The following PKD1 variants were observed in gnomAD, a reference collection of about 807,000 sequenced individuals.
The protein encoded by PKD1 is polycystin-1.
Under a neutral mutation model 361.7 loss-of-function variants are expected in PKD1, and 81 were observed. The observed-to-expected ratio is 0.22, with a 90% CI of 0.19 to 0.27. The LOEUF is 0.27. PKD1 is among the 10% of genes least tolerant of loss of function. The pLI, the probability that PKD1 is intolerant of heterozygous loss-of-function variation, is 1.00. For missense variants in PKD1, 6,399 were observed against 6,118.3 expected (o/e 1.05, Z -1.53); for synonymous variants, 3,615 against 2,818.3 (o/e 1.28, Z -8.95).
In PKD1 at chr16:2,102,583, C is replaced by A. The variant is rs746460070; in HGVS notation, c.8999G>T (p.Arg3000Leu). The A allele has an allele frequency of 6.2e-7, 1 of 1,611,088 alleles. No homozygotes were observed. The highest frequency in any genetic ancestry group is 8.5e-7 in the Non-Finnish European group (1 of 1,179,794). Reference protein sequence around the residue: ...SYHLNLSSHFRWSALQVSVGL... With the variant: ...SYHLNLSSHFLWSALQVSVGL... ...CACGGACACCTGCAGCGCCGACCAG[C>A]GGAAGTGGCTGGAGAGGTTCAGATG... The change falls in exon 25 of 46, where the codon CGC becomes CTC. Residue 3000 changes from arginine to leucine, a missense_variant. Transcript: ENST00000262304.
At chr16:2,099,391 G>C (rs545459718) in intron 30 of PKD1, 3 of 547,278 alleles carry the variant, frequency 5.5e-6, no homozygotes, top group Non-Finnish European at 1.0e-5. Flanking sequence ...GTTATCTGGC[G>C]TGCTGCTGTG....
Position 2,117,638 on chromosome 16 carries a change from G to C in PKD1, c.1236C>G (p.Ile412Met). ...GGTAGCAGTGCCCGTTGCCAGGGAA[G>C]ATCTCCGTGTCCGAGGGGCAGAGCG... ...VHPLCPSDTE[I>M]FPGNGHCYRL... The change falls in exon 6 of 46, where the codon ATC (isoleucine) becomes ATG (methionine). Residue 412 changes from isoleucine (I) to methionine (M), a missense_variant. Coordinates refer to ENST00000262304, the MANE Select transcript of PKD1 (RefSeq NM_001009944.3). The C allele has an allele frequency of 5.6e-6, 9 of 1,610,664 alleles. No homozygotes were observed. The highest frequency in any genetic ancestry group is 7.6e-6 in the Non-Finnish European group (9 of 1,179,698).
At chr16:2,123,099 G>A (rs921131959) in intron 1 of PKD1, among the ~76,000 whole-genome samples, 3 of 152,184 alleles carry the variant, frequency 2.0e-5, no homozygotes, top group Admixed American at 6.5e-5. Context: ...CCAGGCCTGG[G>A]GGTGCCATGG....
rs575064371 is a variant in PKD1 at position 2,109,860 on chromosome 16, A to G, written c.5307T>C (p.His1769=). Residue 1769 remains histidine (H), a synonymous_variant, in exon 15 of 46, where the codon CAT becomes CAC. Coordinates refer to ENST00000262304, the MANE Select transcript of PKD1 (RefSeq NM_001009944.3). ...AGTGCAGGCCGGGTGTGGGGAAGCT[A>G]TGGGTGGTAAATGGCTCGGAGGTCT... is the stretch of plus-strand genomic sequence containing the variant. ...SWETSEPFTT[H]SFPTPGLHLV... is the part of the protein sequence containing the mutation. 3.7e-4 allele frequency: 600 copies of G among 1,610,398 alleles called. 5 individuals are homozygous for G. In the African/African-American group the frequency reaches 6.6e-3, roughly 18 times the overall value.
rs2091285868 is a variant in PKD1 at position 2,088,925 on chromosome 16, A to G, written c.*802T>C. The stretch of plus-strand genomic sequence containing the variant: ...GTCACCTTCCTCCACCCTGGGAGCC[A>G]GCCCCCAGGAGGAGTCTTTTCCTCT... On this transcript the variant is annotated 3_prime_UTR_variant, in exon 46 of 46. Coordinates refer to ENST00000262304, the MANE Select transcript of PKD1 (RefSeq NM_001009944.3). 1 of 386,736 alleles carries G rather than the reference A, an allele frequency of 2.6e-6. No homozygotes were observed. The allele number at this position is 386,736 out of a possible 1,614,324, so 24.0% of individuals were successfully genotyped here.
chr16:2,127,230 C>T (rs1165865035), intron 1 of PKD1, among the ~76,000 whole-genome samples: 2 of 152,248 alleles, frequency 1.3e-5, no homozygotes, highest in Non-Finnish European at 2.9e-5. Context: ...GGCAGTGCCA[C>T]TCGCCAGCTT....
In PKD1 at chr16:2,089,499, A is replaced by C. The variant is rs530534662; in HGVS notation, c.*228T>G. 1 of 598,514 alleles carries C rather than the reference A, an allele frequency of 1.7e-6. No homozygotes were observed. Among genetic ancestry groups the C allele is most frequent in the Non-Finnish European group, 3.0e-6 (1 of 335,650 alleles). The allele number at this position is 598,514 out of a possible 1,614,324, so 37.1% of individuals were successfully genotyped here. ...CATCTCAGAGGCTAGAAACCGTCCA[A>C]TACTGCTGTGTCCTTCCCAAGGGAG... is the stretch of plus-strand genomic sequence containing the variant. On this transcript the variant is annotated 3_prime_UTR_variant, in exon 46 of 46. Transcript: ENST00000262304.
chr16:2,090,770 G>A lies in PKD1; in HGVS notation c.12042C>T (p.Val4014=), dbSNP rs778791224. Reference sequence around the variant, plus strand: ...GAGCTCGGCATAATGTCTTGCCAAAGACGGACCACTGGCGCACGAAGCGTA... The same window carrying A: ...GAGCTCGGCATAATGTCTTGCCAAAAACGGACCACTGGCGCACGAAGCGTA... ...QQLRFVRQWS[V]FGKTLCRALP... Residue 4014 remains valine, a synonymous_variant, in exon 44 of 46, where the codon GTC becomes GTT. Coordinates refer to ENST00000262304, the MANE Select transcript of PKD1 (RefSeq NM_001009944.3). 4 of 1,612,524 alleles carry A rather than the reference G, an allele frequency of 2.5e-6. No individual in the cohort carries two copies. The highest frequency in any genetic ancestry group is 1.6e-4 in the Middle Eastern group (1 of 6,084).
At chr16:2,105,530 G>T in intron 20 of PKD1, 56 bp from the exon 21 acceptor site, 1 of 1,594,996 alleles carries the variant, frequency 6.3e-7, no homozygotes, top group Non-Finnish European at 8.5e-7. Flanking sequence ...CCGGCAGGAG[G>T]CCAGCAGATG....
intron 1 of PKD1, among the ~76,000 whole-genome samples, chr16:2,128,736 ACT>A (rs2092829678): frequency 6.6e-6 from 1 of 151,642 alleles, no homozygotes; most frequent in African/African-American, 2.4e-5. Context: ...ACAGAGTTTC[ACT>A]CTGTCTCCCA....
chr16:2,097,767 C>T lies in PKD1; in HGVS notation c.10181G>A (p.Gly3394Glu). ...CAGAAACAAGTCACTCTTCATCTGT[C>T]CAACAAAGGCCTGCTGAGAGGTGCA... ...SGLHAEQAFV[G>E]QMKSDLFLDD... Residue 3394 changes from glycine (G) to glutamate (E), a missense_variant, in exon 32 of 46, where the codon GGA becomes GAA. Gly to Glu is a moderately conservative substitution (Grantham distance 98, BLOSUM62 -2). Transcript: ENST00000262304. 1 of 1,611,420 alleles carries T rather than the reference C, an allele frequency of 6.2e-7. No homozygotes were observed. Among genetic ancestry groups the T allele is most frequent in the African/African-American group, 1.3e-5 (1 of 74,998 alleles).
intron 1 of PKD1, among the ~76,000 whole-genome samples, chr16:2,129,811 A>G (rs1379575766): frequency 5.3e-5 from 8 of 151,638 alleles, no homozygotes; most frequent in Non-Finnish European, 1.0e-4. Context: ...CTGGCCTCCC[A>G]AACTGCTGGG....
At chr16:2,130,964 C>A (rs2092868665) in intron 1 of PKD1, among the ~76,000 whole-genome samples, 1 of 152,168 alleles carries the variant, frequency 6.6e-6, no homozygotes. Context: ...CCAGAAGTGG[C>A]CTTTAGAGCA....
Position 2,111,302 on chromosome 16 carries a change from C to T in PKD1, c.3865G>A (p.Val1289Met), listed in dbSNP as rs541552030. 1.5e-5 allele frequency: 24 copies of T among 1,609,064 alleles called. No individual in the cohort carries two copies. Among genetic ancestry groups the T allele is most frequent in the East Asian group, 4.5e-5 (2 of 44,870 alleles). The change falls in exon 15 of 46, where the codon GTG (valine) becomes ATG (methionine). Residue 1289 changes from valine to methionine, a missense_variant. By Grantham distance (21) the Val-to-Met change is conservative. Coordinates refer to ENST00000262304, the MANE Select transcript of PKD1 (RefSeq NM_001009944.3). ...PAGHLARSLH[V>M]LVFVLEVLRV... ...AGCACCTCCAGGACGAAGACCAGCA[C>T]GTGCAGGCTCCGGGCCAGGTGGCCG...
intron 14 of PKD1, 74 bp from the exon 15 acceptor site, chr16:2,111,945 G>A (rs1291204884): frequency 1.5e-5 from 23 of 1,497,852 alleles, no homozygotes; most frequent in South Asian, 2.3e-5. Context: ...GAAGCCCCCC[G>A]CCTGAGGAGC....
rs773182267 is a variant in PKD1 at position 2,103,847 on chromosome 16, G to A, written c.8210C>T (p.Ser2737Leu). ...ASSDVRAPQP[S>L]ELGAESPSRM... ...AGATGGTGACTCGGCTCCCAGCTCT[G>A]AGGGCTGTGGTGCCCGCACGTCCGA... The change falls in exon 23 of 46, where the codon TCA becomes TTA. Residue 2737 changes from serine (S) to leucine (L), a missense_variant. By Grantham distance (145) the Ser-to-Leu change is moderately radical (BLOSUM62 -2). Transcript: ENST00000262304. The A allele has an allele frequency of 6.2e-7, 1 of 1,606,866 alleles. No individual in the cohort carries two copies. Among genetic ancestry groups the A allele is most frequent in the South Asian group, 1.1e-5 (1 of 90,654 alleles).
Position 2,135,607 on chromosome 16 carries a change from C to A in PKD1, c.83G>T (p.Arg28Leu). 5 of 1,000,124 alleles carry A rather than the reference C, an allele frequency of 5.0e-6. No individual in the cohort carries two copies. Among genetic ancestry groups the A allele is most frequent in the Non-Finnish European group, 6.0e-6 (5 of 839,608 alleles). 62.0% of individuals were successfully genotyped at this position (1,000,124 alleles called of 1,614,324 possible). The change falls in exon 1 of 46, where the codon CGC becomes CTC. Residue 28 changes from arginine (R) to leucine (L), a missense_variant. Transcript: ENST00000262304. ...GGGGGGCTCGCAGGGCCCGCAGCCGCGCCCGGGGCCCCCCGCCAGCGCCCC... is the reference window on the plus strand; with the variant it reads ...GGGGGGCTCGCAGGGCCCGCAGCCGAGCCCGGGGCCCCCCGCCAGCGCCCC... Reference protein sequence around the residue: ...WLGALAGGPGRGCGPCEPPCL... With the variant: ...WLGALAGGPGLGCGPCEPPCL...
At chr16:2,093,378 TG>T in intron 37 of PKD1, 165 bp downstream of exon 37, 2 of 725,606 alleles carry the variant, frequency 2.8e-6, no homozygotes, top group Non-Finnish European at 4.5e-6. Context: ...GGGCAGCAAG[TG>T]GGGGGCGTGG....
intron 15 of PKD1, 64 bp downstream of exon 15, chr16:2,108,188 G>A (rs1412807928): frequency 4.0e-6 from 6 of 1,516,978 alleles, no homozygotes; most frequent in South Asian, 1.2e-5. Flanking sequence ...CAAGCTGGGT[G>A]TTCTCTGGGC....
Sources: gnomAD v4.1 joint callset for allele counts (sites outside exome capture counted in the v4.1 genomes callset) on GRCh38, gnomAD v4.1.1 for gene constraint, MANE v1.5 for transcripts, NCBI Gene and HGNC (gene_info 2026-07-23, HGNC 2026-07-21) for gene names.